The following TSPAN17 variants were observed in gnomAD, a reference collection of about 807,000 sequenced individuals.
The protein encoded by TSPAN17 is tetraspanin-17.
A neutral mutation model predicts 40.5 loss-of-function variants in TSPAN17; 33 were observed. That is an observed-to-expected ratio of 0.81 (90% CI 0.62 to 1.09). The LOEUF is 1.09. Among genes scored for constraint, TSPAN17 ranks in the 50% least tolerant of loss-of-function variants. TSPAN17 has a pLI of 0.00. For synonymous variants in TSPAN17, 166 were observed against 169.4 expected, an observed-to-expected ratio of 0.98 and a Z score of 0.15; for missense variants, 365 against 416.8, an observed-to-expected ratio of 0.88 and a Z score of 1.08.
intron 8 of TSPAN17, chr5:176,657,317 G>A (rs1377249725): frequency 2.4e-5 from 23 of 941,492 alleles, no homozygotes; most frequent in South Asian, 1.6e-4. Flanking sequence ...GGTCCCCCCC[G>A]TTCCCTGCCC....
chr5:176,647,703 G>A lies in TSPAN17; in HGVS notation c.87+1G>A. On this transcript the variant is annotated splice_donor_variant, in intron 1 of 8. Coordinates refer to ENST00000508164, the MANE Select transcript of TSPAN17 (RefSeq NM_130465.5). LOFTEE classifies it high-confidence loss of function. Reference sequence around the variant, plus strand: ...GTTTGGCTTCAACATTGTCTTCTGGGTGAGCGCGGGGTCTGCGCCTTGCCC... The same window carrying A: ...GTTTGGCTTCAACATTGTCTTCTGGATGAGCGCGGGGTCTGCGCCTTGCCC... 1 of 1,587,872 alleles carries A rather than the reference G, an allele frequency of 6.3e-7. No individual in the cohort carries two copies. The highest frequency in any genetic ancestry group is 8.6e-7 in the Non-Finnish European group (1 of 1,168,282).
chr5:176,656,282 T>A, intron 6 of TSPAN17, 157 bp downstream of exon 6: 1 of 786,020 alleles, frequency 1.3e-6, no homozygotes, highest in Non-Finnish European at 2.1e-6. Flanking sequence ...GGAGGGGGAG[T>A]AGACCCCTGG....
intron 8 of TSPAN17, 176 bp from the exon 9 acceptor site, chr5:176,657,342 G>T (rs979578829): frequency 1.5e-5 from 17 of 1,156,016 alleles, no homozygotes; most frequent in African/African-American, 4.7e-5. Flanking sequence ...GTGCTGGGAC[G>T]CACCTTTCTG....
At position 176,650,471 on chromosome 5, in the gene TSPAN17, C is replaced by T. The variant is rs1760926290; in HGVS notation, c.88-1145C>T. On this transcript the variant is annotated intron_variant, in intron 1 of 8. Transcript: ENST00000508164. The surrounding 1 kb of genome is among the most constrained non-coding windows in gnomAD (Gnocchi z 4.0). ...GAAGGCGGAGCATCCTGGGAAGGAG[C>T]TCGGGGAGGAATGGGGTTGAGTTAA... Among the ~76,000 whole-genome samples, 1 of 152,096 alleles carries T rather than the reference C, an allele frequency of 6.6e-6. No individual in the cohort carries two copies. Among genetic ancestry groups the T allele is most frequent in the Non-Finnish European group, 1.5e-5 (1 of 68,024 alleles).
intron 4 of TSPAN17, 71 bp downstream of exon 4, chr5:176,652,984 C>T (rs1245908140): frequency 7.2e-6 from 11 of 1,531,244 alleles, no homozygotes; most frequent in Non-Finnish European, 9.9e-6. Flanking sequence ...GGAGCAAGTT[C>T]CCTGTGATGG....
intron 6 of TSPAN17, among the ~76,000 whole-genome samples, 162 bp downstream of exon 6, chr5:176,656,287 C>T (rs563698847): frequency 6.6e-6 from 1 of 152,222 alleles, no homozygotes; most frequent in South Asian, 2.1e-4. Flanking sequence ...GGGAGTAGAC[C>T]CCTGGGCCTG....
At position 176,652,736 on chromosome 5, in the gene TSPAN17, A is replaced by G. The variant is rs1413660498; in HGVS notation, c.286-7A>G. ...CCAACCCCTACTGTCTGTATGCCCA[A>G]CCCCAGTTCTCCGTGTTCCTCGGTC... On this transcript the variant is annotated splice_polypyrimidine_tract_variant and splice_region_variant and intron_variant, in intron 3 of 8. Coordinates refer to ENST00000508164, the MANE Select transcript of TSPAN17 (RefSeq NM_130465.5). 2 of 1,613,860 alleles carry G rather than the reference A, an allele frequency of 1.2e-6. No individual in the cohort carries two copies. Among genetic ancestry groups the G allele is most frequent in the East Asian group, 4.5e-5 (2 of 44,872 alleles).
Position 176,647,609 on chromosome 5 carries a change from G to C in TSPAN17, c.-7G>C. 1 of 1,557,362 alleles carries C rather than the reference G, an allele frequency of 6.4e-7. No individual in the cohort carries two copies. The highest frequency in any genetic ancestry group is 1.2e-5 in the South Asian group (1 of 84,794). The stretch of plus-strand genomic sequence containing the variant: ...CCGGTTTCCGGGCCGGCGGGTGGCC[G>C]CTCACCATGCCCGGCAAGCACCAGC... On this transcript the variant is annotated 5_prime_UTR_variant, in exon 1 of 9. Transcript: ENST00000508164.
chr5:176,648,476 AG>A (rs1157898655), intron 1 of TSPAN17, among the ~76,000 whole-genome samples: 3 of 152,312 alleles, frequency 2.0e-5, no homozygotes, highest in Non-Finnish European at 2.9e-5. Flanking sequence ...ATCTCTCCAA[AG>A]CCGTGGCCCT....
At position 176,650,696 on chromosome 5, in the gene TSPAN17, A is replaced by G. The variant is rs530970890; in HGVS notation, c.88-920A>G. On this transcript the variant is annotated intron_variant, in intron 1 of 8. Transcript: ENST00000508164. This position sits in a 1 kb window ranked among gnomAD's most constrained non-coding sequence, Gnocchi z 4.0. ...CACGGTCAGGGAAGGGAAGGTGATA[A>G]AGGCCTTGGCCGTGGCTATGTGCTG... Among the ~76,000 whole-genome samples the G allele has an allele frequency of 2.0e-4, 30 of 152,298 alleles. No individual in the cohort carries two copies. Among genetic ancestry groups the G allele is most frequent in the Middle Eastern group, 6.8e-3 (2 of 294 alleles).
Position 176,655,032 on chromosome 5 carries a change from T to C in TSPAN17, c.582+12T>C, listed in dbSNP as rs1358271306. 3 of 1,596,232 alleles carry C rather than the reference T, an allele frequency of 1.9e-6. No homozygotes were observed. The highest frequency in any genetic ancestry group is 2.6e-6 in the Non-Finnish European group (3 of 1,171,002). On this transcript the variant is annotated intron_variant, in intron 5 of 8. Transcript: ENST00000508164. ...TCAGGGACCCTGCGGTGAGTGGGGC[T>C]GGGGGAGGAGAGGTAAGGGACTTTC... is the stretch of plus-strand genomic sequence containing the variant.
intron 1 of TSPAN17, among the ~76,000 whole-genome samples, chr5:176,648,103 C>T (rs1382582106): frequency 3.3e-5 from 5 of 152,158 alleles, no homozygotes; most frequent in Non-Finnish European, 4.4e-5. Flanking sequence ...GAGATTCTGG[C>T]GTGAAGGGAG....
Position 176,657,582 on chromosome 5 carries a change from A to G in TSPAN17, c.874A>G (p.Thr292Ala), listed in dbSNP as rs748943409. Residue 292 changes from threonine to alanine, a missense_variant, in exon 9 of 9, where the codon ACG (threonine) becomes GCG (alanine). Coordinates refer to ENST00000508164, the MANE Select transcript of TSPAN17 (RefSeq NM_130465.5). ...LTPTISEVLS[T>A]AGPQQNSLTG... Reference sequence around the variant, plus strand: ...GCCCACCATTTCCGAGGTCCTGTCCACGGCGGGGCCTCAGCAGAACTCTCT... The same window carrying G: ...GCCCACCATTTCCGAGGTCCTGTCCGCGGCGGGGCCTCAGCAGAACTCTCT... 8 of 1,613,684 alleles carry G rather than the reference A, an allele frequency of 5.0e-6. No homozygotes were observed. Among genetic ancestry groups the G allele is most frequent in the Admixed American group, 1.7e-5 (1 of 60,002 alleles).
chr5:176,657,174 C>T, intron 8 of TSPAN17: 1 of 624,276 alleles, frequency 1.6e-6, no homozygotes, highest in Admixed American at 3.0e-5. Flanking sequence ...CGTGTGTACA[C>T]ACACATGCAG....
chr5:176,655,787 G>T (rs1761131198), intron 5 of TSPAN17, among the ~76,000 whole-genome samples: 1 of 151,374 alleles, frequency 6.6e-6, no homozygotes, highest in Non-Finnish European at 1.5e-5. Flanking sequence ...TGTGGTCCTA[G>T]CTACTTGCGA....
At chr5:176,653,267 T>G in intron 4 of TSPAN17, 1 of 206,120 alleles carries the variant, frequency 4.9e-6, no homozygotes. Context: ...TGCAGCTATG[T>G]TGCTGCTGCC....
chr5:176,651,808 T>C lies in TSPAN17; in HGVS notation c.193T>C (p.Trp65Arg). The C allele has an allele frequency of 6.2e-7, 1 of 1,614,140 alleles. No individual in the cohort carries two copies. Among genetic ancestry groups the C allele is most frequent in the South Asian group, 1.1e-5 (1 of 91,084 alleles). ...AGATCTGGGAGGCCTTGACCCCGTG[T>C]GGCTGTTTGTGGTAGTTGGAGGCGT... ...LTDLGGLDPVWLFVVVGGVMS... is the reference protein window; with the variant it reads ...LTDLGGLDPVRLFVVVGGVMS... The change falls in exon 3 of 9, where the codon TGG becomes CGG. Residue 65 changes from tryptophan (W) to arginine (R), a missense_variant. Physicochemically the swap from Trp to Arg is moderately radical, Grantham distance 101. Transcript: ENST00000508164. The surrounding 1 kb of genome is among the most constrained non-coding windows in gnomAD (Gnocchi z 4.5).
At chr5:176,657,312 C>A (rs1053519264) in intron 8 of TSPAN17, 26 of 899,816 alleles carry the variant, frequency 2.9e-5, no homozygotes, top group Middle Eastern at 3.4e-4. Flanking sequence ...TGGAGGGTCC[C>A]CCCCGTTCCC....
At chr5:176,649,707 G>A (rs746366867) in intron 1 of TSPAN17, among the ~76,000 whole-genome samples, 1 of 152,182 alleles carries the variant, frequency 6.6e-6, no homozygotes, top group South Asian at 2.1e-4. Context: ...GATTACAGGC[G>A]TGAGCCACCA....
Sources: allele counts gnomAD v4.1 joint callset (sites outside exome capture counted in the v4.1 genomes callset), GRCh38; gene constraint gnomAD v4.1.1; non-coding constraint Gnocchi (gnomAD v3.1); transcripts MANE v1.5; gene names NCBI Gene and HGNC (gene_info 2026-07-23, HGNC 2026-07-21).